The following FRMPD2 variants were observed in gnomAD, a reference collection of about 807,000 sequenced individuals.
FRMPD2 encodes FERM and PDZ domain-containing protein 2.
Under a neutral mutation model 140.1 loss-of-function variants are expected in FRMPD2, and 96 were observed. The observed-to-expected ratio is 0.69, with a 90% CI of 0.58 to 0.81. FRMPD2 has a LOEUF of 0.81. Ranked by LOEUF, FRMPD2 falls within the 40% of genes least tolerant of loss-of-function variation. FRMPD2 has a pLI of 0.00. For synonymous variants in FRMPD2, 449 were observed against 547.6 expected, an observed-to-expected ratio of 0.82 and a Z score of 2.52; for missense variants, 1,240 against 1,447.4, an observed-to-expected ratio of 0.86 and a Z score of 2.32.
chr10:48,274,744 C>A, upstream of FRMPD2: 1 of 620,006 alleles, frequency 1.6e-6, no homozygotes, highest in East Asian at 2.7e-5. Flanking sequence ...AACAAGGCCC[C>A]TTCCCTTTCC....
intron 5 of FRMPD2, 113 bp downstream of exon 5, chr10:48,242,048 T>A: frequency 1.3e-6 from 1 of 752,954 alleles, no homozygotes; most frequent in Non-Finnish European, 2.1e-6. Context: ...CAGATGTGAC[T>A]GATTAATTTA....
intron 5 of FRMPD2, among the ~76,000 whole-genome samples, chr10:48,241,280 G>A (rs1043518479): frequency 1.3e-5 from 2 of 152,084 alleles, no homozygotes; most frequent in Non-Finnish European, 2.9e-5. Context: ...CATTAATCCT[G>A]CTCTCAGCTC....
At chr10:48,236,680 C>T in intron 8 of FRMPD2, 127 bp from the exon 9 acceptor site, 1 of 837,648 alleles carries the variant, frequency 1.2e-6, no homozygotes, top group South Asian at 1.5e-5. Flanking sequence ...AGAAAACAGG[C>T]CAAGATGGGG....
chr10:48,228,082 A>T (rs1262621068), intron 10 of FRMPD2, among the ~76,000 whole-genome samples: 2 of 152,120 alleles, frequency 1.3e-5, no homozygotes, highest in African/African-American at 2.4e-5. Context: ...AAAGAGAGTT[A>T]AAAAAAGCCA....
At chr10:48,182,319 A>G (rs889630408) in intron 20 of FRMPD2, among the ~76,000 whole-genome samples, 1 of 152,102 alleles carries the variant, frequency 6.6e-6, no homozygotes, top group East Asian at 1.9e-4. Flanking sequence ...TGAGGATGGG[A>G]CTTACGATTG....
At chr10:48,209,522 T>C (rs865779316) in intron 13 of FRMPD2, among the ~76,000 whole-genome samples, 2 of 152,204 alleles carry the variant, frequency 1.3e-5, no homozygotes, top group African/African-American at 4.8e-5. Context: ...GGTCTTCTCC[T>C]TTTTCTAATG....
Position 48,232,097 on chromosome 10 carries a change from TG to T in FRMPD2, c.1168+17del. The T allele has an allele frequency of 6.2e-7, 1 of 1,613,886 alleles. No homozygotes were observed. Among genetic ancestry groups the T allele is most frequent in the Non-Finnish European group, 8.5e-7 (1 of 1,179,800 alleles). ...CAGAGGCACCAGGCCAGCTGTGAGCTGCCCAAGAGATGCTTACTTTTCATAT... is the reference window on the plus strand; with the variant it reads ...CAGAGGCACCAGGCCAGCTGTGAGCTCCCAAGAGATGCTTACTTTTCATAT... On this transcript the variant is annotated intron_variant, in intron 10 of 28. Coordinates refer to ENST00000374201, the MANE Select transcript of FRMPD2 (RefSeq NM_001018071.4).
chr10:48,256,609 G>C (rs536193550), intron 1 of FRMPD2, among the ~76,000 whole-genome samples: 1 of 152,214 alleles, frequency 6.6e-6, no homozygotes, highest in South Asian at 2.1e-4. Context: ...ACAGAGGTTG[G>C]ACCAAGGTCT....
intron 28 of FRMPD2, among the ~76,000 whole-genome samples, chr10:48,161,426 G>T (rs1400601360): frequency 6.6e-6 from 1 of 151,696 alleles, no homozygotes; most frequent in Non-Finnish European, 1.5e-5. Flanking sequence ...GCAGAAATAG[G>T]TATCCGGACT....
chr10:48,251,429 A>G (rs767250413), intron 2 of FRMPD2, 137 bp downstream of exon 2: 1 of 1,055,248 alleles, frequency 9.5e-7, no homozygotes, highest in Non-Finnish European at 1.4e-6. Flanking sequence ...CAGAGTAATC[A>G]CAGATCAAGC....
intron 3 of FRMPD2, among the ~76,000 whole-genome samples, chr10:48,247,670 A>G (rs1840281848): frequency 2.0e-5 from 3 of 152,188 alleles, no homozygotes; most frequent in Non-Finnish European, 4.4e-5. Context: ...GTCCCCCATA[A>G]GAAGGTAACT....
Position 48,227,800 on chromosome 10 carries a change from A to G in FRMPD2, c.1168+4315T>C, listed in dbSNP as rs376984434. Among the ~76,000 whole-genome samples the G allele has an allele frequency of 2.8e-4, 43 of 152,336 alleles. 1 individual carries two copies. The South Asian group carries it at 8.7e-3, about 31-fold the overall frequency. ...ATAAATTAACTGTTTTCTCAGAAAA[A>G]CAGAACTAACCTAAATGTTTTTTGA... On this transcript the variant is annotated intron_variant, in intron 10 of 28. Coordinates refer to ENST00000374201, the MANE Select transcript of FRMPD2 (RefSeq NM_001018071.4).
intron 15 of FRMPD2, among the ~76,000 whole-genome samples, chr10:48,198,967 T>A (rs748307953): frequency 1.3e-5 from 2 of 152,178 alleles, no homozygotes; most frequent in Non-Finnish European, 2.9e-5. Context: ...GAAGCCATAA[T>A]CCTAAGCAAA....
chr10:48,268,199 T>C (rs55729168), intron 1 of FRMPD2, among the ~76,000 whole-genome samples: 13,220 of 152,010 alleles, frequency 0.087, 743 homozygotes, highest in South Asian at 0.13. Context: ...TCCCCACCTA[T>C]ATGACAGGAA....
At position 48,274,657 on chromosome 10, in the gene FRMPD2, C is replaced by T. The variant is rs371157647; in HGVS notation, c.-90G>A. On this transcript the variant is annotated 5_prime_UTR_variant, in exon 1 of 29. Coordinates refer to ENST00000374201, the MANE Select transcript of FRMPD2 (RefSeq NM_001018071.4). ...GTCTCTTGCAAGTCTGTCCGCGGAGCTCCCTGCCACCAGCACTGTTGCCGC... is the reference window on the plus strand; with the variant it reads ...GTCTCTTGCAAGTCTGTCCGCGGAGTTCCCTGCCACCAGCACTGTTGCCGC... 272 of 1,216,502 alleles carry T rather than the reference C, an allele frequency of 2.2e-4. No homozygotes were observed. The highest frequency in any genetic ancestry group is 2.9e-4 in the Non-Finnish European group (240 of 827,026). 75.4% of individuals were successfully genotyped at this position (1,216,502 alleles called of 1,614,324 possible).
chr10:48,188,341 G>C (rs754359157), intron 16 of FRMPD2, among the ~76,000 whole-genome samples: 3 of 152,234 alleles, frequency 2.0e-5, no homozygotes, highest in Non-Finnish European at 2.9e-5. Context: ...AAGAACAGGG[G>C]CGGTGGGGGG....
At position 48,187,110 on chromosome 10, in the gene FRMPD2, A is replaced by C. The variant is rs576437424; in HGVS notation, c.2266+82T>G. 409 of 834,362 alleles carry C rather than the reference A, an allele frequency of 4.9e-4. 3 individuals are homozygous for C. In the South Asian group the frequency reaches 6.7e-3, roughly 14 times the overall value. The allele number at this position is 834,362 out of a possible 1,614,324, so 51.7% of individuals were successfully genotyped here. A position where few individuals can be genotyped will look rare whatever the true frequency, so the allele number is the denominator to read the frequency against. On this transcript the variant is annotated intron_variant, in intron 17 of 28. Coordinates refer to ENST00000374201, the MANE Select transcript of FRMPD2 (RefSeq NM_001018071.4). ...TACAAACATTGTGTGGGAAGCAAAA[A>C]TAAGTGGTGGTAAAAGACTCAAAGC...
At chr10:48,244,704 G>C (rs1170587786) in intron 4 of FRMPD2, 80 bp downstream of exon 4, 1 of 1,055,670 alleles carries the variant, frequency 9.5e-7, no homozygotes, top group East Asian at 2.4e-5. Flanking sequence ...CTCAGTAAAT[G>C]TGGTCCCTGC....
chr10:48,251,229 AC>A (rs908715178), intron 2 of FRMPD2, among the ~76,000 whole-genome samples: 1 of 152,154 alleles, frequency 6.6e-6, no homozygotes, highest in African/African-American at 2.4e-5. Flanking sequence ...GTGCTGTTAG[AC>A]ACCCATAGCA....
Sources: allele counts gnomAD v4.1 joint callset (sites outside exome capture counted in the v4.1 genomes callset), GRCh38; gene constraint gnomAD v4.1.1; transcripts MANE v1.5; gene names NCBI Gene and HGNC (gene_info 2026-07-23, HGNC 2026-07-21).